Variants in PTPRN2 observed in about 807,000 individuals in gnomAD.
The protein encoded by PTPRN2 is receptor-type tyrosine-protein phosphatase N2.
In PTPRN2, 74 loss-of-function variants were observed where a neutral mutation model predicts 118.8. That is an observed-to-expected ratio of 0.62 (90% CI 0.52 to 0.76). The LOEUF (loss-of-function observed/expected upper bound fraction) is 0.76. Ranked by LOEUF, PTPRN2 falls within the 30% of genes least tolerant of loss-of-function variation. PTPRN2 has a pLI of 0.00. For synonymous variants in PTPRN2, 641 were observed against 608.0 expected (o/e 1.05, Z -0.80); for missense variants, 1,481 against 1,394.4 (o/e 1.06, Z -0.99).
rs150611738 is a variant in PTPRN2, at chr7:157,678,281, G to C, written c.2001+4444C>G. Among the ~76,000 whole-genome samples, 568 of 152,296 alleles carry C rather than the reference G, an allele frequency of 3.7e-3. 6 individuals are homozygous for C. The highest frequency in any genetic ancestry group is 0.013 in the African/African-American group (547 of 41,570). ...GAAAGCCATTCTAAGATACAGAGCT[G>C]ATTGAAAAGGCTTTGTTAAAAACTT... On this transcript the variant is annotated intron_variant, in intron 13 of 22. Coordinates refer to ENST00000389418, the MANE Select transcript of PTPRN2 (RefSeq NM_002847.5).
intron 2 of PTPRN2, among the ~76,000 whole-genome samples, chr7:158,460,029 G>A (rs1586726738): frequency 2.8e-5 from 3 of 108,358 alleles, no homozygotes; most frequent in African/African-American, 3.6e-5. Context: ...GGGGCTGTGT[G>A]CCGTGAGCAC....
At chr7:158,402,971 G>A (rs974104591) in intron 2 of PTPRN2, among the ~76,000 whole-genome samples, 19 of 152,312 alleles carry the variant, frequency 1.2e-4, no homozygotes, top group African/African-American at 4.3e-4. Context: ...CCTTCCCAGA[G>A]CTGGCACTGA....
At chr7:158,308,242 T>C (rs977373923) in intron 3 of PTPRN2, among the ~76,000 whole-genome samples, 1 of 152,208 alleles carries the variant, frequency 6.6e-6, no homozygotes, top group Non-Finnish European at 1.5e-5. Flanking sequence ...CCAAGAATTC[T>C]ATATTCAGAA....
At chr7:157,669,556 G>A (rs1227494741) in intron 13 of PTPRN2, 1 of 490,064 alleles carries the variant, frequency 2.0e-6, no homozygotes, top group South Asian at 1.5e-5. Context: ...CACAGCTCCT[G>A]CAGGAAGGGG....
intron 2 of PTPRN2, among the ~76,000 whole-genome samples, chr7:158,337,475 TAA>T (rs1252075267): frequency 1.3e-5 from 2 of 148,606 alleles, no homozygotes; most frequent in Non-Finnish European, 3.0e-5. Context: ...ACTCTCACCA[TAA>T]GAGGTGACAC....
chr7:157,941,740 C>T (rs538975334), intron 11 of PTPRN2, among the ~76,000 whole-genome samples: 22 of 152,184 alleles, frequency 1.4e-4, no homozygotes, highest in East Asian at 1.9e-4. Flanking sequence ...CTATGCTGGG[C>T]TCTGCATGGA....
chr7:158,265,758 G>A (rs62479645), intron 3 of PTPRN2, among the ~76,000 whole-genome samples: 8,840 of 152,280 alleles, frequency 0.058, 329 homozygotes, highest in Non-Finnish European at 0.087. Flanking sequence ...GAGGCACCAT[G>A]AGGACATGGT....
chr7:157,944,569 C>T lies in PTPRN2; in HGVS notation c.1724-45832G>A, dbSNP rs1190495268. Among the ~76,000 whole-genome samples the T allele has an allele frequency of 2.0e-5, 3 of 152,228 alleles. No individual in the cohort carries two copies. Among genetic ancestry groups the T allele is most frequent in the Non-Finnish European group, 4.4e-5 (3 of 68,044 alleles). On this transcript the variant is annotated intron_variant, in intron 11 of 22. Coordinates refer to ENST00000389418, the MANE Select transcript of PTPRN2 (RefSeq NM_002847.5). This position sits in a 1 kb window ranked among gnomAD's most constrained non-coding sequence, Gnocchi z 4.3. ...ATATAATAATTGTTTGAAAGCATAA[C>T]ATTTAAATCAGAAGCATCCCTAGAC...
At chr7:158,390,460 C>A (rs531759235) in intron 2 of PTPRN2, among the ~76,000 whole-genome samples, 1 of 152,382 alleles carries the variant, frequency 6.6e-6, no homozygotes, top group African/African-American at 2.4e-5. Context: ...AGTCTCTGAG[C>A]TGGAGGCCCT....
chr7:158,317,782 A>C (rs1226628002), intron 2 of PTPRN2, among the ~76,000 whole-genome samples: 1 of 152,204 alleles, frequency 6.6e-6, no homozygotes, highest in Non-Finnish European at 1.5e-5. Flanking sequence ...TTGGCTGAAG[A>C]AAGCCATTCA....
At chr7:158,262,552 GCA>G (rs1383058656) in intron 3 of PTPRN2, among the ~76,000 whole-genome samples, 10 of 109,726 alleles carry the variant, frequency 9.1e-5, no homozygotes, top group East Asian at 5.8e-4. Context: ...TTCACACACT[GCA>G]CACACTACAC....
intron 11 of PTPRN2, among the ~76,000 whole-genome samples, chr7:158,064,724 T>G (rs1366339169): frequency 1.3e-5 from 2 of 152,030 alleles, no homozygotes; most frequent in Non-Finnish European, 2.9e-5. Flanking sequence ...GGGGGGGACA[T>G]TTTCTACTTG....
rs146206828 is a variant in PTPRN2, at chr7:158,133,688, C to T, written c.1545G>A (p.Val515=). 1.3e-6 allele frequency: 2 copies of T among 1,584,722 alleles called. No individual in the cohort carries two copies. The highest frequency in any genetic ancestry group is 1.1e-5 in the South Asian group (1 of 88,396). The part of the protein sequence containing the change: ...PSEEEARGYI[V]TDRDPLRPEE... ...GGGCTGCTACTCACTCTCTGTCTGTCACGATGTAGCCCCGCGCCTCTTCCT... is the reference window on the plus strand; with the variant it reads ...GGGCTGCTACTCACTCTCTGTCTGTTACGATGTAGCCCCGCGCCTCTTCCT... The change falls in exon 9 of 23, where the codon GTG becomes GTA. Residue 515 remains valine (V), a synonymous_variant. Transcript: ENST00000389418.
At chr7:158,056,905 C>T (rs551953670) in intron 11 of PTPRN2, among the ~76,000 whole-genome samples, 71 of 152,322 alleles carry the variant, frequency 4.7e-4, no homozygotes, top group African/African-American at 1.5e-3. Flanking sequence ...CCACCCACAT[C>T]GGGACGCGTG....
chr7:157,810,718 C>T (rs1438012512), intron 12 of PTPRN2, among the ~76,000 whole-genome samples: 6 of 127,886 alleles, frequency 4.7e-5, no homozygotes, highest in South Asian at 2.6e-4. Context: ...TCCACGGGGA[C>T]GGCGGGACTG....
At chr7:157,695,018 T>C (rs561186387) in intron 12 of PTPRN2, among the ~76,000 whole-genome samples, 1 of 152,252 alleles carries the variant, frequency 6.6e-6, no homozygotes, top group South Asian at 2.1e-4. Flanking sequence ...CTACACAATA[T>C]AAATAGTTTA....
At chr7:158,329,029 T>C (rs374370694) in intron 2 of PTPRN2, among the ~76,000 whole-genome samples, 1 of 148,082 alleles carries the variant, frequency 6.8e-6, no homozygotes, top group Admixed American at 6.7e-5. Context: ...CAAGTCACTA[T>C]GAGTGGGGCC....
Position 158,330,705 on chromosome 7 carries a change from T to A in PTPRN2, c.164-13773A>T, listed in dbSNP as rs1483557716. ...ACAAAGAGGTCACTCACATCCATAC[T>A]CTCACCATAAGAGCCGACACGTGCA... On this transcript the variant is annotated intron_variant, in intron 2 of 22. Transcript: ENST00000389418. 1.3e-4 allele frequency among the ~76,000 whole-genome samples: 15 copies of A among 114,060 alleles called. 1 individual carries two copies. The highest frequency in any genetic ancestry group is 9.9e-5 in the Admixed American group (1 of 10,058). 74.8% of individuals were successfully genotyped at this position (114,060 alleles called of 152,430 possible). A position where few individuals can be genotyped will look rare whatever the true frequency, so the allele number is the denominator to read the frequency against.
At position 157,883,066 on chromosome 7, in the gene PTPRN2, A is replaced by T. The variant is rs147193077; in HGVS notation, c.1788+15607T>A. On this transcript the variant is annotated intron_variant, in intron 12 of 22. Transcript: ENST00000389418. ...TGGAGATCAAAACACACCACCTCAA[A>T]ATGACTGTTGTTGGAGACCAGAACA... Among the ~76,000 whole-genome samples, 1,005 of 149,308 alleles carry T rather than the reference A, an allele frequency of 6.7e-3. 2 individuals carry two copies. Among genetic ancestry groups the T allele is most frequent in the Non-Finnish European group, 0.012 (786 of 67,526 alleles).
Sources: gnomAD v4.1 joint callset for allele counts (sites outside exome capture counted in the v4.1 genomes callset) on GRCh38, gnomAD v4.1.1 for gene constraint, Gnocchi (gnomAD v3.1) non-coding constraint, MANE v1.5 for transcripts, NCBI Gene and HGNC (gene_info 2026-07-23, HGNC 2026-07-21) for gene names.